Variants in SUGCT observed in about 807,000 individuals in gnomAD.
SUGCT encodes the protein succinyl-CoA:glutarate CoA-transferase.
Under a neutral mutation model 55.0 loss-of-function variants are expected in SUGCT, and 41 were observed. The ratio of observed to expected loss-of-function variants is 0.74; its 90% CI spans 0.58 to 0.97. SUGCT has a LOEUF of 0.97. SUGCT is among the 50% of genes least tolerant of loss of function. The pLI is 0.00. For missense variants in SUGCT, 568 were observed against 547.8 expected, an observed-to-expected ratio of 1.04 and a Z score of -0.37; for synonymous variants, 187 against 200.4, an observed-to-expected ratio of 0.93 and a Z score of 0.56.
At chr7:40,426,653 A>G (rs931307256) in intron 9 of SUGCT, among the ~76,000 whole-genome samples, 1 of 152,174 alleles carries the variant, frequency 6.6e-6, no homozygotes, top group Non-Finnish European at 1.5e-5. Flanking sequence ...TTCTGGAATT[A>G]GATTTCAGGC....
chr7:40,528,624 A>G (rs1192477982), intron 12 of SUGCT, among the ~76,000 whole-genome samples: 1 of 152,224 alleles, frequency 6.6e-6, no homozygotes, highest in Non-Finnish European at 1.5e-5. Context: ...ACTCTTAAGA[A>G]TGACCCAAGT....
intron 9 of SUGCT, among the ~76,000 whole-genome samples, chr7:40,418,599 G>T (rs1353280112): frequency 1.3e-5 from 2 of 152,126 alleles, no homozygotes; most frequent in Non-Finnish European, 2.9e-5. Context: ...ACATTGATCA[G>T]GTCCCTCTGT....
intron 12 of SUGCT, among the ~76,000 whole-genome samples, chr7:40,533,543 T>G (rs1794203284): frequency 6.6e-6 from 1 of 152,094 alleles, no homozygotes; most frequent in Non-Finnish European, 1.5e-5. Flanking sequence ...ATTTTGAAAT[T>G]TAGCCACTTC....
intron 13 of SUGCT, among the ~76,000 whole-genome samples, chr7:40,796,449 G>A (rs1030155598): frequency 3.9e-5 from 6 of 152,146 alleles, no homozygotes; most frequent in African/African-American, 1.4e-4. Flanking sequence ...GAGAATTAAC[G>A]ATGATGAGGA....
At position 40,839,108 on chromosome 7, in the gene SUGCT, T is replaced by C. The variant is rs1004934052; in HGVS notation, c.1154-21208T>C. 2.6e-5 allele frequency among the ~76,000 whole-genome samples: 4 copies of C among 152,230 alleles called. No individual in the cohort carries two copies. In the East Asian group the frequency reaches 5.8e-4, roughly 22 times the overall value. On this transcript the variant is annotated intron_variant, in intron 13 of 13. Transcript: ENST00000335693. ...AACTTGGCATTACTGGAATAAATTC[T>C]ACTTGTTCATGGTGAATACTTCTTT...
At chr7:40,309,622 A>G (rs1205647429) in intron 8 of SUGCT, among the ~76,000 whole-genome samples, 1 of 152,114 alleles carries the variant, frequency 6.6e-6, no homozygotes, top group Admixed American at 6.6e-5. Context: ...AAAAGTATGG[A>G]ATGAATAAGG....
In SUGCT at chr7:40,482,144, A is replaced by G. The variant is rs184315206; in HGVS notation, c.987-14140A>G. 3.4e-3 allele frequency among the ~76,000 whole-genome samples: 512 copies of G among 152,294 alleles called. 6 individuals are homozygous for G. Among genetic ancestry groups the G allele is most frequent in the Non-Finnish European group, 5.0e-3 (338 of 68,016 alleles). On this transcript the variant is annotated intron_variant, in intron 11 of 13. Transcript: ENST00000335693. ...CATGTATAGAGCTGTATCTGCAATG[A>G]TGTTTATTGAAGAAGTACTCAGAAA...
the SUGCT span, among the ~76,000 whole-genome samples, chr7:40,958,430 C>T: frequency 4.0e-5 from 6 of 151,654 alleles, no homozygotes; most frequent in Admixed American, 3.9e-4. Flanking sequence ...ACCTCGATAT[C>T]CTTTCTTCTG....
chr7:40,340,536 A>G lies in SUGCT; in HGVS notation c.816+23681A>G, dbSNP rs529825860. On this transcript the variant is annotated intron_variant, in intron 9 of 13. Transcript: ENST00000335693. ...AATACATTAATAGAAGGGCAGGGGA[A>G]TACGTCATATCAAAGATTAGGAGCT... Among the ~76,000 whole-genome samples, 3 of 152,280 alleles carry G rather than the reference A, an allele frequency of 2.0e-5. No homozygotes were observed. In the East Asian group the frequency reaches 5.8e-4, roughly 29 times the overall value.
intron 3 of SUGCT, among the ~76,000 whole-genome samples, chr7:40,185,061 G>C (rs1446038978): frequency 6.6e-6 from 1 of 152,112 alleles, no homozygotes; most frequent in African/African-American, 2.4e-5. Context: ...ACAGTCTTAG[G>C]CAGTAGAAGT....
chr7:40,414,743 C>T (rs1192804388), intron 9 of SUGCT, among the ~76,000 whole-genome samples: 1 of 151,326 alleles, frequency 6.6e-6, no homozygotes, highest in Non-Finnish European at 1.5e-5. Context: ...CTCATCTCTA[C>T]CAAAAAGTAT....
chr7:40,826,262 A>G (rs1484363518), intron 13 of SUGCT, among the ~76,000 whole-genome samples: 2 of 152,212 alleles, frequency 1.3e-5, no homozygotes, highest in African/African-American at 4.8e-5. Context: ...TTCAACTGAT[A>G]CACTATCTTC....
the SUGCT span, among the ~76,000 whole-genome samples, chr7:40,920,122 A>G: frequency 6.6e-6 from 1 of 152,044 alleles, no homozygotes; most frequent in African/African-American, 2.4e-5. Context: ...GAGTGCTTCC[A>G]TAGTCCCCTA....
intron 11 of SUGCT, among the ~76,000 whole-genome samples, chr7:40,469,673 T>C (rs1790304137): frequency 6.6e-6 from 1 of 151,898 alleles, no homozygotes; most frequent in African/African-American, 2.4e-5. Flanking sequence ...AATCAAATGA[T>C]GTCTAAAGAC....
intron 11 of SUGCT, among the ~76,000 whole-genome samples, chr7:40,461,037 C>T (rs893707516): frequency 1.3e-5 from 2 of 152,102 alleles, no homozygotes; most frequent in South Asian, 2.1e-4. Flanking sequence ...TCTGCTAGTG[C>T]GCTGACATTT....
chr7:40,939,568 A>G, the SUGCT span, among the ~76,000 whole-genome samples: 5 of 152,086 alleles, frequency 3.3e-5, no homozygotes, highest in African/African-American at 4.8e-5. Flanking sequence ...TGATTTTTTA[A>G]TAATGGCCAT....
At chr7:40,923,115 A>G in the SUGCT span, among the ~76,000 whole-genome samples, 1 of 152,216 alleles carries the variant, frequency 6.6e-6, no homozygotes, top group Non-Finnish European at 1.5e-5. Context: ...GAGACTCCTT[A>G]GCCTATAAAT....
At chr7:40,789,296 C>G (rs1182633676) in intron 13 of SUGCT, among the ~76,000 whole-genome samples, 3 of 152,120 alleles carry the variant, frequency 2.0e-5, no homozygotes, top group African/African-American at 7.2e-5. Flanking sequence ...TGGTAACCAC[C>G]ATTCTACTCT....
At chr7:40,252,099 A>G (rs1408687500) in intron 7 of SUGCT, among the ~76,000 whole-genome samples, 1 of 152,132 alleles carries the variant, frequency 6.6e-6, no homozygotes, top group Non-Finnish European at 1.5e-5. Flanking sequence ...TGTTAAAATT[A>G]TGGTTCTATA....
Sources: gnomAD v4.1 joint callset for allele counts (sites outside exome capture counted in the v4.1 genomes callset) on GRCh38, gnomAD v4.1.1 for gene constraint, MANE v1.5 for transcripts, NCBI Gene and HGNC (gene_info 2026-07-23, HGNC 2026-07-21) for gene names.